Variants in MDGA2 observed in about 807,000 individuals in gnomAD.
MDGA2 encodes the protein MAM domain-containing glycosylphosphatidylinositol anchor protein 2.
A neutral mutation model predicts 117.8 loss-of-function variants in MDGA2; 40 were observed. The observed-to-expected ratio is 0.34, with a 90% CI of 0.26 to 0.44. The LOEUF (loss-of-function observed/expected upper bound fraction) is 0.44. MDGA2 is among the 20% of genes least tolerant of loss of function. The pLI is 1.00. For synonymous variants in MDGA2, 452 were observed against 439.0 expected, an observed-to-expected ratio of 1.03 and a Z score of -0.37; for missense variants, 1,123 against 1,250.6, an observed-to-expected ratio of 0.90 and a Z score of 1.54.
intron 8 of MDGA2, among the ~76,000 whole-genome samples, chr14:46,997,480 G>A (rs1024452189): frequency 2.6e-5 from 4 of 152,136 alleles, no homozygotes; most frequent in Non-Finnish European, 5.9e-5. Context: ...ACAGAGGTAA[G>A]CAGTATTACT....
intron 2 of MDGA2, among the ~76,000 whole-genome samples, chr14:47,229,393 A>C (rs975118138): frequency 2.6e-4 from 39 of 152,082 alleles, no homozygotes; most frequent in Admixed American, 2.2e-3. Context: ...AATCTCTATC[A>C]CTAGACTGTT....
chr14:46,842,487 T>C (rs1163348105), intron 16 of MDGA2, among the ~76,000 whole-genome samples: 2 of 152,186 alleles, frequency 1.3e-5, no homozygotes, highest in Non-Finnish European at 2.9e-5. Flanking sequence ...CTATTGCAAC[T>C]AGTAGATGAT....
At chr14:47,138,362 T>C (rs1882557650) in intron 4 of MDGA2, among the ~76,000 whole-genome samples, 1 of 152,088 alleles carries the variant, frequency 6.6e-6, no homozygotes, top group Admixed American at 6.5e-5. Flanking sequence ...AATTAGGTAA[T>C]TGATGTAAAT....
intron 1 of MDGA2, among the ~76,000 whole-genome samples, chr14:47,477,080 T>C (rs542734599): frequency 6.6e-6 from 1 of 152,354 alleles, no homozygotes; most frequent in African/African-American, 2.4e-5. Flanking sequence ...GAGAATCACT[T>C]GAACCCAGGA....
At chr14:47,512,350 G>A (rs1671850614) in intron 1 of MDGA2, among the ~76,000 whole-genome samples, 2 of 152,036 alleles carry the variant, frequency 1.3e-5, no homozygotes, top group South Asian at 4.1e-4. Context: ...GAAATTTTCA[G>A]TAAAATTTTG....
At chr14:47,114,285 A>C (rs1157640802) in intron 5 of MDGA2, among the ~76,000 whole-genome samples, 1 of 152,232 alleles carries the variant, frequency 6.6e-6, no homozygotes, top group Non-Finnish European at 1.5e-5. Context: ...GACACAAACA[A>C]ATGGAAGAAC....
intron 3 of MDGA2, among the ~76,000 whole-genome samples, chr14:47,172,869 C>A (rs560854361): frequency 6.6e-6 from 1 of 152,212 alleles, no homozygotes; most frequent in East Asian, 1.9e-4. Flanking sequence ...GGAGGAAATT[C>A]AAACCAAAGG....
chr14:47,493,828 T>C (rs1293190531), intron 1 of MDGA2, among the ~76,000 whole-genome samples: 1 of 152,158 alleles, frequency 6.6e-6, no homozygotes, highest in Non-Finnish European at 1.5e-5. Context: ...AAATATAAAT[T>C]CTAGAAAGTC....
At chr14:47,113,749 A>C (rs1267997590) in intron 5 of MDGA2, among the ~76,000 whole-genome samples, 1 of 152,152 alleles carries the variant, frequency 6.6e-6, no homozygotes, top group African/African-American at 2.4e-5. Flanking sequence ...TATTGATGGA[A>C]CACACCTCAA....
chr14:47,167,198 G>C (rs1037011126), intron 3 of MDGA2, among the ~76,000 whole-genome samples: 2 of 151,508 alleles, frequency 1.3e-5, no homozygotes, highest in African/African-American at 4.9e-5. Flanking sequence ...GACTATTATT[G>C]CTGAAGTTGA....
chr14:47,322,009 A>G (rs1426162632), intron 1 of MDGA2, among the ~76,000 whole-genome samples: 1 of 152,234 alleles, frequency 6.6e-6, no homozygotes, highest in Admixed American at 6.5e-5. Context: ...TTAAAATGCT[A>G]AGAATGGCTC....
At chr14:47,236,665 T>A (rs1260842918) in intron 2 of MDGA2, among the ~76,000 whole-genome samples, 1 of 152,196 alleles carries the variant, frequency 6.6e-6, no homozygotes, top group African/African-American at 2.4e-5. Context: ...ACCATTTCAG[T>A]GCCTTCTGAG....
At position 47,395,720 on chromosome 14, in the gene MDGA2, A is replaced by G. The variant is rs539868070; in HGVS notation, c.281-94170T>C. Among the ~76,000 whole-genome samples the G allele has an allele frequency of 1.2e-4, 18 of 152,224 alleles. 2 individuals are homozygous for G. The highest frequency in any genetic ancestry group is 4.3e-4 in the African/African-American group (18 of 41,564). ...TGATATATTATCAGACAAAACATATACATTTAGTAGGTTTTTCTTAATAAA... is the reference window on the plus strand; with the variant it reads ...TGATATATTATCAGACAAAACATATGCATTTAGTAGGTTTTTCTTAATAAA... On this transcript the variant is annotated intron_variant, in intron 1 of 16. Coordinates refer to ENST00000399232, the MANE Select transcript of MDGA2 (RefSeq NM_001113498.3).
intron 3 of MDGA2, among the ~76,000 whole-genome samples, chr14:47,164,154 T>A (rs1393316921): frequency 6.6e-6 from 1 of 152,244 alleles, no homozygotes; most frequent in Non-Finnish European, 1.5e-5. Context: ...GAACAGTTTA[T>A]TAAATGAGTA....
At chr14:47,255,362 G>C (rs980626642) in intron 2 of MDGA2, among the ~76,000 whole-genome samples, 1 of 152,132 alleles carries the variant, frequency 6.6e-6, no homozygotes, top group Admixed American at 6.5e-5. Context: ...GCAGGGGACT[G>C]ACTGTGTGCC....
At chr14:47,571,178 G>T (rs1385478211) in intron 1 of MDGA2, among the ~76,000 whole-genome samples, 2 of 152,194 alleles carry the variant, frequency 1.3e-5, no homozygotes, top group African/African-American at 4.8e-5. Context: ...GGTCGTTACA[G>T]AAATGCAAAT....
At position 47,056,603 on chromosome 14, in the gene MDGA2, TC is replaced by T. The variant is rs957150940; in HGVS notation, c.1525+4645del. 9.9e-4 allele frequency among the ~76,000 whole-genome samples: 151 copies of T among 152,280 alleles called. 1 individual carries two copies. The highest frequency in any genetic ancestry group is 3.5e-3 in the African/African-American group (146 of 41,576). ...ATCAGCAGTTTCACTGTTTAGGTTT[TC>T]GAGGCATGATGCAGATGCTTCTGAG... On this transcript the variant is annotated intron_variant, in intron 7 of 16. Coordinates refer to ENST00000399232, the MANE Select transcript of MDGA2 (RefSeq NM_001113498.3).
chr14:47,346,046 ACAAT>A (rs1027418382), intron 1 of MDGA2, among the ~76,000 whole-genome samples: 2 of 152,048 alleles, frequency 1.3e-5, no homozygotes, highest in Non-Finnish European at 2.9e-5. Context: ...ACTATAGTTA[ACAAT>A]AATATATTAT....
chr14:47,290,473 T>C lies in MDGA2; in HGVS notation c.420+10938A>G, dbSNP rs201828512. Among the ~76,000 whole-genome samples the C allele has an allele frequency of 8.5e-5, 13 of 152,288 alleles. No individual in the cohort carries two copies. In the East Asian group the frequency reaches 2.5e-3, roughly 29 times the overall value. On this transcript the variant is annotated intron_variant, in intron 2 of 16. Coordinates refer to ENST00000399232, the MANE Select transcript of MDGA2 (RefSeq NM_001113498.3). Reference sequence around the variant, plus strand: ...CCACCCAGTTTATGTTATTTTGTTATAGCAGTCCAGACAGACTTAGAAATA... The same window carrying C: ...CCACCCAGTTTATGTTATTTTGTTACAGCAGTCCAGACAGACTTAGAAATA...
Sources: allele counts gnomAD v4.1 joint callset (sites outside exome capture counted in the v4.1 genomes callset), GRCh38; gene constraint gnomAD v4.1.1; transcripts MANE v1.5; gene names NCBI Gene and HGNC (gene_info 2026-07-23, HGNC 2026-07-21).